SACS: variants seen among roughly 807,000 people sequenced by gnomAD.
The protein encoded by SACS is sacsin molecular chaperone.
In SACS, 197 loss-of-function variants were observed where a neutral mutation model predicts 348.0. That is an observed-to-expected ratio of 0.57 (90% CI 0.50 to 0.64). The LOEUF (loss-of-function observed/expected upper bound fraction) is 0.64. Among genes scored for constraint, SACS ranks in the 30% least tolerant of loss-of-function variants. The pLI, the probability that SACS is intolerant of heterozygous loss-of-function variation, is 0.00. For missense variants in SACS, 4,999 were observed against 5,360.8 expected (o/e 0.93, Z 2.11); for synonymous variants, 1,985 against 1,910.6 (o/e 1.04, Z -1.02).
rs750988529 is a variant in SACS, at chr13:23,338,011, A to C, written c.5865T>G (p.Asp1955Glu). 1 of 1,613,822 alleles carries C rather than the reference A, an allele frequency of 6.2e-7. No homozygotes were observed. The highest frequency in any genetic ancestry group is 1.3e-5 in the African/African-American group (1 of 74,894). The change falls in exon 10 of 10, where the codon GAT becomes GAG. Residue 1955 changes from aspartate to glutamate, a missense_variant. Asp to Glu is a conservative substitution (Grantham distance 45, BLOSUM62 2). This residue lies in a region of SACS where 3,156 missense variants were observed against 3,380.1 expected (regional missense o/e 0.93). Transcript: ENST00000382292. ...AAAATCCTTGGCAAATTACAGAAAAATCATCATGAACTAAATCAGGATCGG... is the reference window on the plus strand; with the variant it reads ...AAAATCCTTGGCAAATTACAGAAAACTCATCATGAACTAAATCAGGATCGG... ...VWPDPDLVHD[D>E]FSVICQGFYE...
Position 23,330,720 on chromosome 13 carries a change from G to C in SACS, c.13156C>G (p.Arg4386Gly). ...SRRTFSTSAS[R>G]FQSDKYSFQR... ...AATGAGTATTTGTCTGACTGAAATC[G>C]GGATGCTGAGGTTGAAAATGTTCGT... Residue 4386 changes from arginine to glycine, a missense_variant, in exon 10 of 10, where the codon CGA becomes GGA. Arg to Gly is a moderately radical substitution (Grantham distance 125). Coordinates refer to ENST00000382292, the MANE Select transcript of SACS (RefSeq NM_014363.6). 1 of 1,613,980 alleles carries C rather than the reference G, an allele frequency of 6.2e-7. No homozygotes were observed. Among genetic ancestry groups the C allele is most frequent in the East Asian group, 2.2e-5 (1 of 44,882 alleles).
chr13:23,432,033 G>T (rs999317958), intron 1 of SACS, among the ~76,000 whole-genome samples: 1 of 152,208 alleles, frequency 6.6e-6, no homozygotes, highest in Non-Finnish European at 1.5e-5. Flanking sequence ...TGACCATTAA[G>T]TGAATAATTG....
In SACS at chr13:23,368,497, G is replaced by A. The variant is rs746220432; in HGVS notation, c.260-10C>T. ...GTCTGACCAAATCGACCTAAAATAC[G>A]GAGCACATTTTAAGTGAGTTAGAAA... On this transcript the variant is annotated splice_polypyrimidine_tract_variant and intron_variant, in intron 4 of 9. Transcript: ENST00000382292. 1.6e-5 allele frequency: 25 copies of A among 1,605,802 alleles called. No homozygotes were observed. Among genetic ancestry groups the A allele is most frequent in the Admixed American group, 6.7e-5 (4 of 59,612 alleles).
Position 23,332,882 on chromosome 13 carries a change from C to T in SACS, c.10994G>A (p.Arg3665Lys), listed in dbSNP as rs1247818390. The change falls in exon 10 of 10, where the codon AGA becomes AAA. Residue 3665 changes from arginine to lysine, a missense_variant. Physicochemically the swap from Arg to Lys is conservative, Grantham distance 26. Transcript: ENST00000382292. ...TACCTCTTGATATTGAGGATGAAATCTAATGAATTCCGCGGGGGCCCGCTC... is the reference window on the plus strand; with the variant it reads ...TACCTCTTGATATTGAGGATGAAATTTAATGAATTCCGCGGGGGCCCGCTC... ...CPERAPAEFI[R>K]FHPQYQEVNG... The T allele has an allele frequency of 6.2e-7, 1 of 1,613,888 alleles. No homozygotes were observed. The highest frequency in any genetic ancestry group is 1.7e-5 in the Admixed American group (1 of 59,994).
Position 23,338,540 on chromosome 13 carries a change from G to C in SACS, c.5336C>G (p.Ser1779Trp). The C allele has an allele frequency of 2.5e-6, 4 of 1,614,132 alleles. No homozygotes were observed. Among genetic ancestry groups the C allele is most frequent in the Non-Finnish European group, 3.4e-6 (4 of 1,180,012 alleles). Residue 1779 changes from serine to tryptophan, a missense_variant, in exon 10 of 10, where the codon TCG becomes TGG. By Grantham distance (177) the Ser-to-Trp change is radical (BLOSUM62 -3). Around this residue, in one of 6 missense-constraint regions of SACS, gnomAD observed 3,156 missense variants for 3,380.1 expected, o/e 0.93. Transcript: ENST00000382292. ...HVFRRIADLQSPLFRGPDDDP... is the reference protein window; with the variant it reads ...HVFRRIADLQWPLFRGPDDDP... ...ATCATCTGGACCTCTAAAAAGTGGC[G>C]ACTGTAAATCAGCAATCCTTCTGAA...
intron 2 of SACS, among the ~76,000 whole-genome samples, chr13:23,378,002 A>G (rs1871884525): frequency 6.6e-6 from 1 of 152,224 alleles, no homozygotes; most frequent in Non-Finnish European, 1.5e-5. Flanking sequence ...GGTAGACACA[A>G]TTGCTTCGCT....
chr13:23,367,751 GCCTGGC>G lies in SACS; in HGVS notation c.345+645_345+650del, dbSNP rs1319203037. Among the ~76,000 whole-genome samples, 7 of 152,108 alleles carry G rather than the reference GCCTGGC, an allele frequency of 4.6e-5. No homozygotes were observed. The East Asian group carries it at 1.4e-3, about 29-fold the overall frequency. On this transcript the variant is annotated intron_variant, in intron 5 of 9. Transcript: ENST00000382292. ...TAGGATTACAGGCAGCCACCACCATGCCTGGCTAATTTTTGTACTTTTAATAGAGAC... is the reference window on the plus strand; with the variant it reads ...TAGGATTACAGGCAGCCACCACCATGTAATTTTTGTACTTTTAATAGAGAC...
Position 23,333,710 on chromosome 13 carries a change from A to C in SACS, c.10166T>G (p.Met3389Arg). The change falls in exon 10 of 10, where the codon ATG becomes AGG. Residue 3389 changes from methionine (M) to arginine (R), a missense_variant. Coordinates refer to ENST00000382292, the MANE Select transcript of SACS (RefSeq NM_014363.6). The stretch of plus-strand genomic sequence containing the variant: ...ATGATTCAAATTGCAGTTGAAATAC[A>C]TCAAAAGTGCCTCAAAATCATTTTC... ...LVENDFEALLMYFNCNLNHLM... is the reference protein window; with the variant it reads ...LVENDFEALLRYFNCNLNHLM... 1 of 1,613,828 alleles carries C rather than the reference A, an allele frequency of 6.2e-7. No individual in the cohort carries two copies. Among genetic ancestry groups the C allele is most frequent in the Non-Finnish European group, 8.5e-7 (1 of 1,179,768 alleles).
chr13:23,429,752 G>A (rs1253243394), intron 1 of SACS, among the ~76,000 whole-genome samples: 1 of 152,120 alleles, frequency 6.6e-6, no homozygotes, highest in Non-Finnish European at 1.5e-5. Flanking sequence ...CTAGTATGAT[G>A]TGGAGCCAGG....
intron 2 of SACS, among the ~76,000 whole-genome samples, chr13:23,406,538 T>G (rs933945105): frequency 5.3e-5 from 8 of 152,090 alleles, no homozygotes; most frequent in African/African-American, 1.9e-4. Context: ...TAAAAAAAAG[T>G]TCTAATATTA....
intron 2 of SACS, among the ~76,000 whole-genome samples, chr13:23,390,391 G>A (rs1396338155): frequency 2.0e-5 from 3 of 152,200 alleles, no homozygotes; most frequent in Admixed American, 6.5e-5. Flanking sequence ...TGGGCACAAT[G>A]GCTCACACTT....
intron 9 of SACS, chr13:23,346,910 T>C (rs1487636961): frequency 1.9e-6 from 1 of 516,184 alleles, no homozygotes; most frequent in African/African-American, 2.1e-5. Context: ...ACAGAAATTA[T>C]TCTGTATCTT....
At chr13:23,389,092 G>A (rs980722236) in intron 2 of SACS, among the ~76,000 whole-genome samples, 1 of 151,902 alleles carries the variant, frequency 6.6e-6, no homozygotes, top group South Asian at 2.1e-4. Context: ...ACTTGTATGT[G>A]TCAATTACCA....
Position 23,336,929 on chromosome 13 carries a change from G to A in SACS, c.6947C>T (p.Thr2316Ile). 6.2e-7 allele frequency: 1 copy of A among 1,613,822 alleles called. No homozygotes were observed. The highest frequency in any genetic ancestry group is 2.2e-5 in the East Asian group (1 of 44,864). ...ATGAAGGTATTTGTAGCAAGCATTGGTGATATTCTCCTGGTACAGTGTAAT... is the reference window on the plus strand; with the variant it reads ...ATGAAGGTATTTGTAGCAAGCATTGATGATATTCTCCTGGTACAGTGTAAT... ...DGITLYQENI[T>I]NACYKYLHEA... Residue 2316 changes from threonine to isoleucine, a missense_variant, in exon 10 of 10, where the codon ACC (threonine) becomes ATC (isoleucine). This residue lies in a region of SACS where 3,156 missense variants were observed against 3,380.1 expected (regional missense o/e 0.93). Transcript: ENST00000382292.
At chr13:23,353,590 T>C (rs945325754) in intron 9 of SACS, 195 bp downstream of exon 9, 1 of 541,722 alleles carries the variant, frequency 1.8e-6, no homozygotes, top group East Asian at 3.0e-5. Context: ...TTTACACTTA[T>C]CACCTCTGGA....
chr13:23,339,146 A>T lies in SACS; in HGVS notation c.4730T>A (p.Phe1577Tyr). Reference sequence around the variant, plus strand: ...TATGTTTGGATCGAACATTATCATGAATTCCCGACTCATAATGATGGGAAT... The same window carrying T: ...TATGTTTGGATCGAACATTATCATGTATTCCCGACTCATAATGATGGGAAT... ...TDIPIIMSREFMIMFDPNINH... is the reference protein window; with the variant it reads ...TDIPIIMSREYMIMFDPNINH... The change falls in exon 10 of 10, where the codon TTC (phenylalanine) becomes TAC (tyrosine). Residue 1577 changes from phenylalanine (F) to tyrosine (Y), a missense_variant. Around this residue, in one of 6 missense-constraint regions of SACS, gnomAD observed 3,156 missense variants for 3,380.1 expected, o/e 0.93. Transcript: ENST00000382292. 6.2e-7 allele frequency: 1 copy of T among 1,611,634 alleles called. No homozygotes were observed. Among genetic ancestry groups the T allele is most frequent in the Non-Finnish European group, 8.5e-7 (1 of 1,178,458 alleles).
In SACS at chr13:23,355,586, T is replaced by A. The variant is rs190623423; in HGVS notation, c.1026A>T (p.Lys342Asn). 96 of 1,614,174 alleles carry A rather than the reference T, an allele frequency of 5.9e-5. No homozygotes were observed. In the East Asian group the frequency reaches 1.8e-3, roughly 30 times the overall value. Residue 342 changes from lysine (K) to asparagine (N), a missense_variant, in exon 8 of 10, where the codon AAA becomes AAT. Physicochemically the swap from Lys to Asn is moderately conservative, Grantham distance 94. Coordinates refer to ENST00000382292, the MANE Select transcript of SACS (RefSeq NM_014363.6). Reference sequence around the variant, plus strand: ...TCTTTATAGAATTCGGCCGCTCATGTTTCAGTGCCTTACTCTCACTCGAAG... The same window carrying A: ...TCTTTATAGAATTCGGCCGCTCATGATTCAGTGCCTTACTCTCACTCGAAG... ...RVTSSESKAL[K>N]HERPNSIKIL...
chr13:23,431,585 A>G (rs936327647), intron 1 of SACS, among the ~76,000 whole-genome samples: 18 of 152,360 alleles, frequency 1.2e-4, no homozygotes, highest in Middle Eastern at 3.4e-3. Flanking sequence ...CTCTGCATCA[A>G]TCACATTTAG....
intron 9 of SACS, among the ~76,000 whole-genome samples, chr13:23,353,325 G>A (rs191699262): frequency 6.6e-6 from 1 of 152,160 alleles, no homozygotes; most frequent in African/African-American, 2.4e-5. Context: ...ACCATGGAGG[G>A]GCAGTGGTGT....
Sources: gnomAD v4.1 joint callset for allele counts (sites outside exome capture counted in the v4.1 genomes callset) on GRCh38, gnomAD v4.1.1 for gene constraint, gnomAD v4.1.1 regional missense constraint, MANE v1.5 for transcripts, NCBI Gene and HGNC (gene_info 2026-07-23, HGNC 2026-07-21) for gene names.